The following MEGF10 variants were observed in gnomAD, a reference collection of about 807,000 sequenced individuals.
MEGF10 encodes multiple epidermal growth factor-like domains protein 10.
A neutral mutation model predicts 147.5 loss-of-function variants in MEGF10; 86 were observed. The observed-to-expected ratio is 0.58, with a 90% CI of 0.49 to 0.70. MEGF10 has a LOEUF of 0.70. Ranked by LOEUF, MEGF10 falls within the 30% of genes least tolerant of loss-of-function variation. The pLI is 0.00. For missense variants in MEGF10, 1,329 were observed against 1,487.3 expected, an observed-to-expected ratio of 0.89 and a Z score of 1.75; for synonymous variants, 478 against 525.5, an observed-to-expected ratio of 0.91 and a Z score of 1.24.
chr5:127,438,086 G>A (rs1156613868), intron 16 of MEGF10, among the ~76,000 whole-genome samples: 1 of 152,174 alleles, frequency 6.6e-6, no homozygotes, highest in Non-Finnish European at 1.5e-5. Flanking sequence ...GGATGGTTTG[G>A]ACTTTGTCTT....
intron 9 of MEGF10, 92 bp downstream of exon 9, chr5:127,410,693 T>C (rs1289178978): frequency 8.3e-7 from 1 of 1,200,178 alleles, no homozygotes; most frequent in Non-Finnish European, 1.2e-6. Flanking sequence ...AGAGTGATTC[T>C]CACCCCAAGC....
intron 17 of MEGF10, among the ~76,000 whole-genome samples, chr5:127,440,362 C>T (rs992027257): frequency 7.9e-5 from 12 of 152,076 alleles, no homozygotes; most frequent in African/African-American, 1.7e-4. Context: ...ATAAAGTACC[C>T]GTCTCAGTCC....
In MEGF10 at chr5:127,420,030, T is replaced by C. The variant is rs780040524; in HGVS notation, c.1427-14T>C. On this transcript the variant is annotated splice_polypyrimidine_tract_variant and intron_variant, in intron 11 of 24. Transcript: ENST00000503335. ...CTTTGTTCGCTCACGTGCTCTGGCG[T>C]TCTTGTCGCACAGGCTGGCACGGGG... 1.9e-6 allele frequency: 3 copies of C among 1,613,230 alleles called. No individual in the cohort carries two copies. The highest frequency in any genetic ancestry group is 2.2e-5 in the East Asian group (1 of 44,862).
rs1226235677 is a variant in MEGF10, at chr5:127,370,577, C to A, written c.412+575C>A. 5.3e-5 allele frequency among the ~76,000 whole-genome samples: 8 copies of A among 152,268 alleles called. No homozygotes were observed. In the East Asian group the frequency reaches 1.2e-3, roughly 22 times the overall value. ...TGGTACTTGTTAAATCAATTCCTAA[C>A]ATAGTATATAATTTGTCTCCATTAT... On this transcript the variant is annotated intron_variant, in intron 5 of 24. Coordinates refer to ENST00000503335, the MANE Select transcript of MEGF10 (RefSeq NM_001256545.2).
chr5:127,243,015 G>GA, the MEGF10 span, among the ~76,000 whole-genome samples: 1 of 152,070 alleles, frequency 6.6e-6, no homozygotes, highest in Admixed American at 6.6e-5. Flanking sequence ...TCTGTCCCTG[G>GA]AGGCAAAACT....
At chr5:127,267,335 T>C in the MEGF10 span, among the ~76,000 whole-genome samples, 1 of 152,250 alleles carries the variant, frequency 6.6e-6, no homozygotes, top group Non-Finnish European at 1.5e-5. Context: ...AGTATTTTAT[T>C]GAGGATTTTT....
chr5:127,372,460 A>G (rs1258640747), intron 5 of MEGF10, among the ~76,000 whole-genome samples: 1 of 152,186 alleles, frequency 6.6e-6, no homozygotes, highest in African/African-American at 2.4e-5. Flanking sequence ...ATTACTATTC[A>G]ATCAACTGCA....
rs1169438505 is a variant in MEGF10, at chr5:127,438,586, G to A, written c.2233+19G>A. 1 of 1,612,668 alleles carries A rather than the reference G, an allele frequency of 6.2e-7. No individual in the cohort carries two copies. Among genetic ancestry groups the A allele is most frequent in the Non-Finnish European group, 8.5e-7 (1 of 1,179,284 alleles). ...ACTCAGAGTAAGTGACAAGCCTTCT[G>A]AGGCTCACCAAGGGGAGCCTTGTCC... is the stretch of plus-strand genomic sequence containing the variant. On this transcript the variant is annotated intron_variant, in intron 17 of 24. Transcript: ENST00000503335.
At chr5:127,456,470 T>C (rs1561658823) in intron 24 of MEGF10, among the ~76,000 whole-genome samples, 1 of 152,238 alleles carries the variant, frequency 6.6e-6, no homozygotes, top group Non-Finnish European at 1.5e-5. Flanking sequence ...TGAGTATTTA[T>C]GATTTTAACT....
At chr5:127,247,414 A>G in the MEGF10 span, among the ~76,000 whole-genome samples, 127 of 78,452 alleles carry the variant, frequency 1.6e-3, 24 homozygotes, top group Middle Eastern at 6.4e-3. Context: ...GAAGAAGAAG[A>G]AGAAGAAGAA....
intron 5 of MEGF10, among the ~76,000 whole-genome samples, chr5:127,386,802 T>C (rs533208912): frequency 5.9e-5 from 9 of 152,376 alleles, no homozygotes; most frequent in African/African-American, 2.2e-4. Flanking sequence ...AGGATGTTTT[T>C]CTAGGGCATT....
chr5:127,313,393 A>G (rs924626956), intron 1 of MEGF10, among the ~76,000 whole-genome samples: 5 of 152,228 alleles, frequency 3.3e-5, no homozygotes, highest in Non-Finnish European at 7.3e-5. Flanking sequence ...AACCTGACCC[A>G]TAAAGCATAT....
chr5:127,460,310 A>T lies in MEGF10; in HGVS notation c.*2992A>T, dbSNP rs905345074. ...TCATGTTTGCTTTAATAAGGAAAAT[A>T]TGTTATTTGAGGTTAATTATATGAT... is the stretch of plus-strand genomic sequence containing the variant. On this transcript the variant is annotated 3_prime_UTR_variant, in exon 25 of 25. Transcript: ENST00000503335. 1 of 152,194 alleles carries T rather than the reference A, an allele frequency of 6.6e-6. No individual in the cohort carries two copies. The highest frequency in any genetic ancestry group is 2.4e-5 in the African/African-American group (1 of 41,458). The allele number at this position is 152,194 out of a possible 1,614,324, so 9.4% of individuals were successfully genotyped here.
chr5:127,362,173 G>T (rs538542065), intron 4 of MEGF10, among the ~76,000 whole-genome samples: 10 of 151,942 alleles, frequency 6.6e-5, no homozygotes, highest in African/African-American at 2.4e-4. Flanking sequence ...ACTGTTATTA[G>T]ATGCATAAAT....
Position 127,309,497 on chromosome 5 carries a change from G to T in MEGF10, c.-19+18441G>T, listed in dbSNP as rs766606629. Among the ~76,000 whole-genome samples, 28 of 152,226 alleles carry T rather than the reference G, an allele frequency of 1.8e-4. 1 individual carries two copies. The South Asian group carries it at 2.3e-3, about 12-fold the overall frequency. On this transcript the variant is annotated intron_variant, in intron 1 of 24. Transcript: ENST00000503335. ...CCACCATTCTACTTTCTGTCTTTAT[G>T]AATTTGACTACTCTATGTACTTCAT...
At chr5:127,452,160 T>G (rs1217502792) in intron 22 of MEGF10, among the ~76,000 whole-genome samples, 2 of 152,214 alleles carry the variant, frequency 1.3e-5, no homozygotes, top group Non-Finnish European at 2.9e-5. Flanking sequence ...TCCAAGGCAA[T>G]GAAGACAGAA....
intron 4 of MEGF10, among the ~76,000 whole-genome samples, chr5:127,341,679 T>C (rs961412467): frequency 3.3e-5 from 5 of 152,124 alleles, no homozygotes; most frequent in African/African-American, 1.2e-4. Flanking sequence ...ATAATACATG[T>C]TCATAGAAAG....
At chr5:127,351,378 T>C (rs531945084) in intron 4 of MEGF10, among the ~76,000 whole-genome samples, 3 of 152,318 alleles carry the variant, frequency 2.0e-5, no homozygotes, top group African/African-American at 7.2e-5. Context: ...CTTTGTTCAT[T>C]TGTATTATAT....
At chr5:127,263,293 G>A in the MEGF10 span, among the ~76,000 whole-genome samples, 2,070 of 132,088 alleles carry the variant, frequency 0.016, 57 homozygotes, top group East Asian at 0.11. Flanking sequence ...ATTTGGTGAA[G>A]GAAGAGGGAT....
Sources: allele counts gnomAD v4.1 joint callset (sites outside exome capture counted in the v4.1 genomes callset), GRCh38; gene constraint gnomAD v4.1.1; transcripts MANE v1.5; gene names NCBI Gene and HGNC (gene_info 2026-07-23, HGNC 2026-07-21).